DPP10: variants seen among roughly 807,000 people sequenced by gnomAD.
The protein encoded by DPP10 is dipeptidyl peptidase like 10, also known as inactive dipeptidyl peptidase 10.
DPP10 carries 33 observed loss-of-function variants against 120.9 expected under a neutral mutation model. That is an observed-to-expected ratio of 0.27 (90% CI 0.21 to 0.37). The LOEUF (loss-of-function observed/expected upper bound fraction) is 0.37, where lower values mean the gene tolerates loss of function less well. Ranked by LOEUF, DPP10 falls within the 10% of genes least tolerant of loss-of-function variation. The probability of loss-of-function intolerance (pLI) is 1.00; values close to 1 mark genes in which losing one functional copy is unlikely to be tolerated. For missense variants in DPP10, 816 were observed against 942.8 expected, an observed-to-expected ratio of 0.87 and a Z score of 1.76; for synonymous variants, 337 against 326.1, an observed-to-expected ratio of 1.03 and a Z score of -0.36.
intron 1 of DPP10, among the ~76,000 whole-genome samples, chr2:114,640,160 G>A (rs1695602341): frequency 1.3e-5 from 2 of 151,890 alleles, no homozygotes; most frequent in Admixed American, 1.3e-4. Flanking sequence ...CGATTCCCTA[G>A]CTCAAGAATC....
chr2:114,784,811 T>C (rs1682631721), intron 1 of DPP10, among the ~76,000 whole-genome samples: 1 of 150,818 alleles, frequency 6.6e-6, no homozygotes, highest in South Asian at 2.1e-4. Context: ...GAAAGCAGTG[T>C]TTCCAGTCAT....
intron 5 of DPP10, among the ~76,000 whole-genome samples, chr2:115,598,046 G>A (rs1367728913): frequency 6.6e-6 from 1 of 151,928 alleles, no homozygotes; most frequent in Non-Finnish European, 1.5e-5. Flanking sequence ...TTATTTTGAA[G>A]TCTATTTTAT....
chr2:115,464,789 C>T (rs2074215932), intron 3 of DPP10, among the ~76,000 whole-genome samples: 1 of 152,034 alleles, frequency 6.6e-6, no homozygotes, highest in Admixed American at 6.6e-5. Context: ...GGAATCCTTG[C>T]CACATGAGTA....
At chr2:115,122,011 C>T (rs189319833) in intron 1 of DPP10, among the ~76,000 whole-genome samples, 26 of 152,208 alleles carry the variant, frequency 1.7e-4, no homozygotes, top group East Asian at 7.7e-4. Context: ...GGTGTGCAGA[C>T]GCAATTAACT....
At chr2:115,531,668 G>A (rs1282131476) in intron 5 of DPP10, among the ~76,000 whole-genome samples, 4 of 152,034 alleles carry the variant, frequency 2.6e-5, no homozygotes, top group Non-Finnish European at 2.9e-5. Flanking sequence ...ATTAAAATTT[G>A]TATTGAAATA....
intron 1 of DPP10, among the ~76,000 whole-genome samples, chr2:115,163,200 A>G (rs889964237): frequency 5.9e-5 from 9 of 152,166 alleles, no homozygotes; most frequent in East Asian, 3.9e-4. Flanking sequence ...TATTCTAAGC[A>G]CTGAAGAGCC....
chr2:115,025,731 T>G (rs1023114396), intron 1 of DPP10, among the ~76,000 whole-genome samples: 3 of 152,208 alleles, frequency 2.0e-5, no homozygotes, highest in African/African-American at 4.8e-5. Context: ...ACTGTGGTTT[T>G]GATTTGCATT....
chr2:115,142,349 CTGTT>C (rs1425426034), intron 1 of DPP10, among the ~76,000 whole-genome samples: 2 of 152,134 alleles, frequency 1.3e-5, no homozygotes, highest in African/African-American at 4.8e-5. Context: ...GGAAAAGCCT[CTGTT>C]TGCCAGAGCC....
At chr2:114,580,602 A>G (rs1270081225) in intron 1 of DPP10, among the ~76,000 whole-genome samples, 2 of 152,088 alleles carry the variant, frequency 1.3e-5, no homozygotes, top group African/African-American at 4.8e-5. Context: ...TTTTATCTTA[A>G]TCCTGGATTA....
intron 1 of DPP10, among the ~76,000 whole-genome samples, chr2:115,002,801 C>T (rs188906240): frequency 5.6e-4 from 85 of 151,972 alleles, no homozygotes; most frequent in Non-Finnish European, 8.5e-4. Context: ...CAAATCAATA[C>T]GACAATGAGA....
At chr2:115,772,237 C>T (rs1021785684) in intron 13 of DPP10, among the ~76,000 whole-genome samples, 1 of 152,088 alleles carries the variant, frequency 6.6e-6, no homozygotes. Context: ...ATTGAGTTGA[C>T]TGGATGTGCA....
intron 1 of DPP10, among the ~76,000 whole-genome samples, chr2:114,919,653 A>C (rs115325603): frequency 0.014 from 2,111 of 152,336 alleles, 45 homozygotes; most frequent in African/African-American, 0.049. Context: ...GTTTGCAGAC[A>C]TCAACAGTTC....
At chr2:115,290,514 TATTTGAAC>T (rs1278898311) in intron 1 of DPP10, among the ~76,000 whole-genome samples, 1 of 152,156 alleles carries the variant, frequency 6.6e-6, no homozygotes, top group Non-Finnish European at 1.5e-5. Flanking sequence ...CTTTCCTTTA[TATTTGAAC>T]ATTTTCATAA....
chr2:114,795,190 C>G (rs1052982413), intron 1 of DPP10, among the ~76,000 whole-genome samples: 1 of 152,066 alleles, frequency 6.6e-6, no homozygotes, highest in African/African-American at 2.4e-5. Context: ...AAGTGAACTG[C>G]TATGGCATGA....
intron 1 of DPP10, among the ~76,000 whole-genome samples, chr2:114,949,017 C>T (rs1226800473): frequency 1.8e-4 from 27 of 151,858 alleles, no homozygotes; most frequent in African/African-American, 5.8e-4. Context: ...CTCCGCCTCC[C>T]GGGTTCAAGT....
Position 115,841,412 on chromosome 2 carries a change from A to G in DPP10, c.2256+589A>G, listed in dbSNP as rs144088296. Among the ~76,000 whole-genome samples, 23 of 152,284 alleles carry G rather than the reference A, an allele frequency of 1.5e-4. No homozygotes were observed. In the East Asian group the frequency reaches 4.4e-3, roughly 29 times the overall value. On this transcript the variant is annotated intron_variant, in intron 25 of 25. Coordinates refer to ENST00000410059, the MANE Select transcript of DPP10 (RefSeq NM_020868.6). ...CTGCTCTATGAGTAACAAGACATAC[A>G]TTACACTGTCAAGGAGGTTCCAGTC... is the stretch of plus-strand genomic sequence containing the variant.
At chr2:114,980,025 GA>G (rs1414063395) in intron 1 of DPP10, among the ~76,000 whole-genome samples, 4 of 152,008 alleles carry the variant, frequency 2.6e-5, no homozygotes, top group Non-Finnish European at 5.9e-5. Flanking sequence ...CAAGTATAAT[GA>G]GGATAATCTC....
intron 1 of DPP10, among the ~76,000 whole-genome samples, chr2:114,712,992 C>CT (rs70937300): frequency 0.28 from 37,466 of 132,566 alleles, 5,252 homozygotes; most frequent in South Asian, 0.45. Flanking sequence ...TAACCAAATT[C>CT]TTTTTTTTTT....
chr2:115,365,180 C>T (rs2065008040), intron 3 of DPP10, among the ~76,000 whole-genome samples: 1 of 151,974 alleles, frequency 6.6e-6, no homozygotes, highest in Non-Finnish European at 1.5e-5. Context: ...AAACCAAATT[C>T]CTGGAACTAG....
Sources: allele counts gnomAD v4.1 joint callset (sites outside exome capture counted in the v4.1 genomes callset), GRCh38; gene constraint gnomAD v4.1.1; transcripts MANE v1.5; gene names NCBI Gene and HGNC (gene_info 2026-07-23, HGNC 2026-07-21).